The following RELCH variants were observed in gnomAD, a reference collection of about 807,000 sequenced individuals.
RELCH encodes RAB11-binding protein RELCH.
Under a neutral mutation model 150.3 loss-of-function variants are expected in RELCH, and 41 were observed. That is an observed-to-expected ratio of 0.27 (90% CI 0.21 to 0.35). The LOEUF (loss-of-function observed/expected upper bound fraction) is 0.35. RELCH is among the 10% of genes least tolerant of loss of function. The pLI is 1.00. For synonymous variants in RELCH, 478 were observed against 531.8 expected, an observed-to-expected ratio of 0.90 and a Z score of 1.39; for missense variants, 1,092 against 1,467.8, an observed-to-expected ratio of 0.74 and a Z score of 4.18.
chr18:62,192,313 G>T (rs1466024666), intron 1 of RELCH, among the ~76,000 whole-genome samples: 2 of 152,144 alleles, frequency 1.3e-5, no homozygotes, highest in East Asian at 3.8e-4. Context: ...TGTATAGGTT[G>T]CAAACATTTT....
chr18:62,194,321 C>G (rs1247777694), intron 1 of RELCH, among the ~76,000 whole-genome samples: 1 of 151,980 alleles, frequency 6.6e-6, no homozygotes, highest in Non-Finnish European at 1.5e-5. Context: ...CTGTTTTTTT[C>G]TTTAATAATT....
At chr18:62,202,203 G>T (rs1279877325) in intron 1 of RELCH, among the ~76,000 whole-genome samples, 1 of 152,140 alleles carries the variant, frequency 6.6e-6, no homozygotes, top group Admixed American at 6.5e-5. Context: ...TTAGAATATG[G>T]TAGATTCTTA....
intron 25 of RELCH, among the ~76,000 whole-genome samples, chr18:62,283,117 A>C (rs2044608102): frequency 6.6e-6 from 1 of 152,100 alleles, no homozygotes; most frequent in Non-Finnish European, 1.5e-5. Context: ...CTTAGAGTTT[A>C]TTTTTTATTT....
At chr18:62,235,067 C>G (rs1363838955) in intron 10 of RELCH, 1 of 151,728 alleles carries the variant, frequency 6.6e-6, no homozygotes, top group Non-Finnish European at 1.5e-5. Context: ...TATATAAGAG[C>G]TAAAGCTATG....
chr18:62,219,325 C>CTTTTTTTTTTTTTTTTTTTTTTTT (rs202196452), intron 2 of RELCH, among the ~76,000 whole-genome samples: 1 of 112,856 alleles, frequency 8.9e-6, no homozygotes, highest in Admixed American at 1.0e-4. Context: ...TTCTTTTTTT[C>CTTTTTTTTTTTTTTTTTTTTTTTT]TTTTTTTTTT....
intron 15 of RELCH, among the ~76,000 whole-genome samples, chr18:62,259,392 T>C (rs12165084): frequency 0.26 from 39,531 of 151,572 alleles, 5,736 homozygotes; most frequent in Middle Eastern, 0.45. Context: ...TTTACAATAG[T>C]TTTATAAAAA....
intron 27 of RELCH, among the ~76,000 whole-genome samples, chr18:62,295,832 C>A (rs1253627373): frequency 4.6e-5 from 7 of 152,208 alleles, no homozygotes; most frequent in Admixed American, 4.6e-4. Flanking sequence ...CTTGGCCTCC[C>A]ACAGTGCTGG....
At position 62,232,978 on chromosome 18, in the gene RELCH, C is replaced by A. The variant is rs895831099; in HGVS notation, c.1620+551C>A. Among the ~76,000 whole-genome samples the A allele has an allele frequency of 4.6e-5, 7 of 151,820 alleles. No homozygotes were observed. The East Asian group carries it at 1.2e-3, about 25-fold the overall frequency. On this transcript the variant is annotated intron_variant, in intron 10 of 28. Coordinates refer to ENST00000644646, the MANE Select transcript of RELCH (RefSeq NM_001346231.2). Reference sequence around the variant, plus strand: ...TTGACTACAACAACTTTTTAAAGTACCTTTTTTATTTTTCTTGCAGTTAAC... The same window carrying A: ...TTGACTACAACAACTTTTTAAAGTAACTTTTTTATTTTTCTTGCAGTTAAC...
rs1212666009 is a variant in RELCH, at chr18:62,264,867, T to A, written c.2631+15T>A. On this transcript the variant is annotated intron_variant, in intron 18 of 28. Coordinates refer to ENST00000644646, the MANE Select transcript of RELCH (RefSeq NM_001346231.2). ...CAAACACTAAGGTAAAAACTTGTATTCCATGTTTTCTTATATGAAAAAGAC... is the reference window on the plus strand; with the variant it reads ...CAAACACTAAGGTAAAAACTTGTATACCATGTTTTCTTATATGAAAAAGAC... 1 of 1,591,448 alleles carries A rather than the reference T, an allele frequency of 6.3e-7. No homozygotes were observed. The highest frequency in any genetic ancestry group is 8.6e-7 in the Non-Finnish European group (1 of 1,168,802).
At chr18:62,249,137 G>A (rs751166606) in intron 11 of RELCH, among the ~76,000 whole-genome samples, 19 of 152,156 alleles carry the variant, frequency 1.2e-4, no homozygotes, top group Non-Finnish European at 2.6e-4. Flanking sequence ...GTAGCTTTAT[G>A]TAATTTCAGT....
intron 28 of RELCH, among the ~76,000 whole-genome samples, chr18:62,301,342 CAAA>C (rs2045654982): frequency 1.3e-5 from 2 of 152,126 alleles, no homozygotes; most frequent in Non-Finnish European, 2.9e-5. Context: ...CAGGTGGTGG[CAAA>C]CTTTTTTGTA....
At chr18:62,202,797 T>A (rs752230932) in intron 1 of RELCH, among the ~76,000 whole-genome samples, 6 of 152,192 alleles carry the variant, frequency 3.9e-5, no homozygotes, top group Non-Finnish European at 8.8e-5. Context: ...AGTAAACTAA[T>A]AACAGATGGA....
chr18:62,245,787 A>T (rs1164613656), intron 11 of RELCH: 2 of 152,190 alleles, frequency 1.3e-5, no homozygotes, highest in East Asian at 3.8e-4. Flanking sequence ...TGTCTGAAAA[A>T]AATCTGCCAT....
chr18:62,207,700 C>G (rs899459498), intron 1 of RELCH, among the ~76,000 whole-genome samples: 2 of 152,144 alleles, frequency 1.3e-5, no homozygotes, highest in Non-Finnish European at 2.9e-5. Flanking sequence ...ATCAATTCAC[C>G]CTTTTAAAGT....
chr18:62,294,320 C>T (rs1002087066), intron 27 of RELCH, among the ~76,000 whole-genome samples: 1 of 152,190 alleles, frequency 6.6e-6, no homozygotes, highest in Non-Finnish European at 1.5e-5. Flanking sequence ...CCCCTATAGG[C>T]AGTGTATGGG....
At chr18:62,191,924 C>G (rs1353827040) in intron 1 of RELCH, among the ~76,000 whole-genome samples, 2 of 152,164 alleles carry the variant, frequency 1.3e-5, no homozygotes, top group African/African-American at 4.8e-5. Flanking sequence ...AATGGGATTG[C>G]TGGGTCAAAT....
chr18:62,269,901 G>C (rs1244973638), intron 20 of RELCH, among the ~76,000 whole-genome samples: 1 of 152,072 alleles, frequency 6.6e-6, no homozygotes, highest in Admixed American at 6.6e-5. Context: ...GAGCATTCTG[G>C]ATTTTCAGAT....
intron 2 of RELCH, among the ~76,000 whole-genome samples, chr18:62,213,349 G>A (rs566289658): frequency 6.6e-6 from 1 of 151,858 alleles, no homozygotes; most frequent in African/African-American, 2.4e-5. Flanking sequence ...TAAAATTGAA[G>A]AGGTTTATTA....
chr18:62,227,265 T>TAA, intron 5 of RELCH, 24 bp from the exon 6 acceptor site: 1 of 1,454,082 alleles, frequency 6.9e-7, no homozygotes, highest in Non-Finnish European at 9.4e-7. Flanking sequence ...CGAAGATTTT[T>TAA]TATGTTTTTT....
Sources: gnomAD v4.1 joint callset for allele counts (sites outside exome capture counted in the v4.1 genomes callset) on GRCh38, gnomAD v4.1.1 for gene constraint, MANE v1.5 for transcripts, NCBI Gene and HGNC (gene_info 2026-07-23, HGNC 2026-07-21) for gene names.